Variants in STAM2 observed in about 807,000 individuals in gnomAD.
STAM2 encodes signal transducing adapter molecule 2.
STAM2 carries 51 observed loss-of-function variants against 65.6 expected under a neutral mutation model. That is an observed-to-expected ratio of 0.78 (90% CI 0.62 to 0.98). The LOEUF (loss-of-function observed/expected upper bound fraction) is 0.98. Among genes scored for constraint, STAM2 ranks in the 50% least tolerant of loss-of-function variants. The pLI, the probability that STAM2 is intolerant of heterozygous loss-of-function variation, is 0.00. For synonymous variants in STAM2, 198 were observed against 208.4 expected (o/e 0.95, Z 0.43); for missense variants, 584 against 617.8 (o/e 0.95, Z 0.58).
At chr2:152,143,744 C>T in intron 7 of STAM2, 83 bp downstream of exon 7, 2 of 1,153,022 alleles carry the variant, frequency 1.7e-6, no homozygotes, top group Non-Finnish European at 2.4e-6. Context: ...TTTAAATACA[C>T]TAAAAGTCAA....
chr2:152,118,040 A>AT lies in STAM2; in HGVS notation c.*2533dup, dbSNP rs1466696415. On this transcript the variant is annotated 3_prime_UTR_variant, in exon 14 of 14. Coordinates refer to ENST00000263904, the MANE Select transcript of STAM2 (RefSeq NM_005843.6). The stretch of plus-strand genomic sequence containing the variant: ...TTCATATATTTTAACACCCTGGGGT[A>AT]TTTTTCTGCATTAATAAAATTCATT... 6.6e-6 allele frequency: 1 copy of AT among 152,126 alleles called. No homozygotes were observed. The highest frequency in any genetic ancestry group is 1.5e-5 in the Non-Finnish European group (1 of 67,992). The allele number at this position is 152,126 out of a possible 1,614,324, so 9.4% of individuals were successfully genotyped here.
Position 152,175,726 on chromosome 2 carries a change from CCCT to C in STAM2, c.-87_-85del. 3 of 1,450,582 alleles carry C rather than the reference CCCT, an allele frequency of 2.1e-6. No homozygotes were observed. The highest frequency in any genetic ancestry group is 2.8e-6 in the Non-Finnish European group (3 of 1,059,028). 89.9% of individuals were successfully genotyped at this position (1,450,582 alleles called of 1,614,324 possible). Reference sequence around the variant, plus strand: ...CGCCGGGTGACCCGCGGCCGCGGCTCCCTAGACCGCTCCGCTTCGGCCTCCGTC... The same window carrying C: ...CGCCGGGTGACCCGCGGCCGCGGCTCAGACCGCTCCGCTTCGGCCTCCGTC... On this transcript the variant is annotated 5_prime_UTR_variant, in exon 1 of 14. Coordinates refer to ENST00000263904, the MANE Select transcript of STAM2 (RefSeq NM_005843.6).
At chr2:152,127,023 A>T (rs914947260) in intron 11 of STAM2, among the ~76,000 whole-genome samples, 9 of 152,098 alleles carry the variant, frequency 5.9e-5, no homozygotes, top group Admixed American at 4.6e-4. Flanking sequence ...GTGAGCTTCC[A>T]CTTCATTTAC....
chr2:152,162,033 G>A (rs1054205516), intron 1 of STAM2, among the ~76,000 whole-genome samples: 1 of 152,074 alleles, frequency 6.6e-6, no homozygotes, highest in Non-Finnish European at 1.5e-5. Context: ...TGTTGGCCAG[G>A]CTGGGGGTAG....
At position 152,120,817 on chromosome 2, in the gene STAM2, T is replaced by G. The variant is rs1688839376; in HGVS notation, c.1350-15A>C. The G allele has an allele frequency of 6.2e-7, 1 of 1,601,736 alleles. No homozygotes were observed. The highest frequency in any genetic ancestry group is 8.6e-7 in the Non-Finnish European group (1 of 1,168,984). Reference sequence around the variant, plus strand: ...CTTGTCCAGTGCTACAAACAAAATTTTAAAAAGAAAACCATATTTACTTTG... The same window carrying G: ...CTTGTCCAGTGCTACAAACAAAATTGTAAAAAGAAAACCATATTTACTTTG... On this transcript the variant is annotated splice_polypyrimidine_tract_variant and intron_variant, in intron 13 of 13. Transcript: ENST00000263904.
In STAM2 at chr2:152,135,519, C is replaced by A. The variant is rs766920362; in HGVS notation, c.789G>T (p.Glu263Asp). The A allele has an allele frequency of 6.2e-7, 1 of 1,608,112 alleles. No individual in the cohort carries two copies. Among genetic ancestry groups the A allele is most frequent in the Admixed American group, 1.7e-5 (1 of 59,452 alleles). The change falls in exon 8 of 14, where the codon GAG (glutamate) becomes GAT (aspartate). Residue 263 changes from glutamate to aspartate, a missense_variant. Transcript: ENST00000263904. ...TAAGATTTAACTTACCTGCCTCAGTCTCTATGTTTAAATTAGTTGTTACAA... is the reference window on the plus strand; with the variant it reads ...TAAGATTTAACTTACCTGCCTCAGTATCTATGTTTAAATTAGTTGTTACAA... ...SNFVTTNLNI[E>D]TEAAAVDKLN...
intron 13 of STAM2, among the ~76,000 whole-genome samples, chr2:152,122,078 G>A (rs113078153): frequency 1.2e-3 from 116 of 93,764 alleles, no homozygotes; most frequent in East Asian, 0.011. Context: ...ATATATATAT[G>A]TGTGTGTGTG....
intron 1 of STAM2, among the ~76,000 whole-genome samples, chr2:152,166,890 C>T (rs1312306234): frequency 6.6e-6 from 1 of 152,146 alleles, no homozygotes; most frequent in African/African-American, 2.4e-5. Flanking sequence ...AATTCTGAGT[C>T]ACTACAATTC....
At chr2:152,132,075 C>A (rs750035023) in intron 11 of STAM2, 39 bp downstream of exon 11, 8 of 1,505,342 alleles carry the variant, frequency 5.3e-6, no homozygotes, top group Non-Finnish European at 6.4e-6. Context: ...AGTGAACCCC[C>A]CAAAACTATA....
At chr2:152,133,601 TCAC>T (rs775959491) in intron 8 of STAM2, 117 bp from the exon 9 acceptor site, 84 of 698,022 alleles carry the variant, frequency 1.2e-4, no homozygotes, top group Non-Finnish European at 1.7e-4. Context: ...CTTCAAATAT[TCAC>T]CACATTTTAT....
rs1215852525 is a variant in STAM2 at position 152,117,239 on chromosome 2, G to C, written c.*3335C>G. On this transcript the variant is annotated 3_prime_UTR_variant, in exon 14 of 14. Coordinates refer to ENST00000263904, the MANE Select transcript of STAM2 (RefSeq NM_005843.6). ...CTGTCAGGCCGGAGTGCAGTGGCGT[G>C]ATCACACCTCACTGCAGCCTCAAGC... The C allele has an allele frequency of 6.6e-6, 1 of 152,156 alleles. No homozygotes were observed. Among genetic ancestry groups the C allele is most frequent in the South Asian group, 2.1e-4 (1 of 4,826 alleles). 9.4% of individuals were successfully genotyped at this position (152,156 alleles called of 1,614,324 possible).
intron 7 of STAM2, 114 bp downstream of exon 7, chr2:152,143,713 T>C: frequency 1.4e-6 from 1 of 714,410 alleles, no homozygotes; most frequent in East Asian, 3.0e-5. Flanking sequence ...AAAAACAAGG[T>C]ATGAAATGGT....
intron 2 of STAM2, among the ~76,000 whole-genome samples, chr2:152,149,199 T>C (rs913340139): frequency 6.6e-6 from 1 of 152,188 alleles, no homozygotes; most frequent in Non-Finnish European, 1.5e-5. Flanking sequence ...AAAGTTCCCA[T>C]ACATATAGAA....
At chr2:152,142,739 T>C (rs1689270844) in intron 7 of STAM2, among the ~76,000 whole-genome samples, 1 of 152,230 alleles carries the variant, frequency 6.6e-6, no homozygotes. Context: ...TCTATTCTCC[T>C]TCAGGGATCA....
In STAM2 at chr2:152,118,965, CTAGAA is replaced by C. The variant is rs1042549648; in HGVS notation, c.*1604_*1608del. ...CAAGTACCATATAGACTATTTTGTT[CTAGAA>C]TAAAGTTTCTTTGAAAAAGGAACAT... On this transcript the variant is annotated 3_prime_UTR_variant, in exon 14 of 14. Transcript: ENST00000263904. 6.6e-6 allele frequency: 1 copy of C among 151,706 alleles called. No homozygotes were observed. Among genetic ancestry groups the C allele is most frequent in the Non-Finnish European group, 1.5e-5 (1 of 67,882 alleles). The allele number at this position is 151,706 out of a possible 1,614,324, so 9.4% of individuals were successfully genotyped here.
chr2:152,155,526 C>T (rs1323616997), intron 1 of STAM2, among the ~76,000 whole-genome samples: 1 of 152,206 alleles, frequency 6.6e-6, no homozygotes, highest in Non-Finnish European at 1.5e-5. Flanking sequence ...AGAAGTAACT[C>T]TCCGTTTGGG....
intron 1 of STAM2, among the ~76,000 whole-genome samples, chr2:152,163,161 G>C (rs1434934943): frequency 6.6e-6 from 1 of 152,186 alleles, no homozygotes; most frequent in African/African-American, 2.4e-5. Flanking sequence ...GTTGCAAGAA[G>C]TCAGGGACCC....
chr2:152,136,371 A>G (rs1217798642), intron 7 of STAM2, among the ~76,000 whole-genome samples: 1 of 152,160 alleles, frequency 6.6e-6, no homozygotes, highest in Non-Finnish European at 1.5e-5. Context: ...TGAACCAAGA[A>G]GGCAGAGGTT....
intron 1 of STAM2, among the ~76,000 whole-genome samples, chr2:152,158,551 T>G (rs1036202858): frequency 2.6e-5 from 4 of 152,066 alleles, no homozygotes; most frequent in Non-Finnish European, 5.9e-5. Flanking sequence ...TAATTTAGAG[T>G]AAACAGAAGG....
Sources: allele counts gnomAD v4.1 joint callset (sites outside exome capture counted in the v4.1 genomes callset), GRCh38; gene constraint gnomAD v4.1.1; transcripts MANE v1.5; gene names NCBI Gene and HGNC (gene_info 2026-07-23, HGNC 2026-07-21).